Variants in DNAJC21 observed in about 807,000 individuals in gnomAD.
The protein encoded by DNAJC21 is dnaJ homolog subfamily C member 21.
In DNAJC21, 63 loss-of-function variants were observed where a neutral mutation model predicts 72.4. The ratio of observed to expected loss-of-function variants is 0.87; its 90% CI spans 0.71 to 1.07. DNAJC21 has a LOEUF of 1.07. Among genes scored for constraint, DNAJC21 ranks in the 50% least tolerant of loss-of-function variants. DNAJC21 has a pLI of 0.00. For missense variants in DNAJC21, 634 were observed against 644.8 expected (o/e 0.98, Z 0.18); for synonymous variants, 203 against 216.7 (o/e 0.94, Z 0.56).
In DNAJC21 at chr5:34,950,290, A is replaced by C. The variant is rs1414671290; in HGVS notation, c.1306A>C (p.Ser436Arg). 6.2e-7 allele frequency: 1 copy of C among 1,613,726 alleles called. No homozygotes were observed. The highest frequency in any genetic ancestry group is 1.3e-5 in the African/African-American group (1 of 74,922). ...ELEDSPQENVSVTEIIKPCDD... is the reference protein window; with the variant it reads ...ELEDSPQENVRVTEIIKPCDD... ...GGAAGATAGTCCCCAGGAAAATGTC[A>C]GTGTCACAGAGATCATTAAACCATG... The change falls in exon 10 of 12, where the codon AGT (serine) becomes CGT (arginine). Residue 436 changes from serine (S) to arginine (R), a missense_variant. Ser to Arg is a moderately radical substitution (Grantham distance 110). Coordinates refer to ENST00000648817, the MANE Select transcript of DNAJC21 (RefSeq NM_001012339.3).
chr5:34,951,029 CA>C (rs778552564), intron 10 of DNAJC21: 650 of 985,434 alleles, frequency 6.6e-4, no homozygotes, highest in Non-Finnish European at 7.5e-4. Flanking sequence ...AGTGAGAGAG[CA>C]AAGTGGGAGC....
intron 10 of DNAJC21, among the ~76,000 whole-genome samples, chr5:34,953,170 T>C (rs933692140): frequency 6.6e-6 from 1 of 152,076 alleles, no homozygotes; most frequent in Non-Finnish European, 1.5e-5. Flanking sequence ...TTAATGTTTT[T>C]GGGGAACCAC....
rs529159008 is a variant in DNAJC21, at chr5:34,949,372, G to A, written c.1186-798G>A. On this transcript the variant is annotated intron_variant, in intron 9 of 11. Coordinates refer to ENST00000648817, the MANE Select transcript of DNAJC21 (RefSeq NM_001012339.3). ...TGCTCTAGAATAAAGGAGATTAAAGGTACCTGACAACTAAATGCAACATGT... is the reference window on the plus strand; with the variant it reads ...TGCTCTAGAATAAAGGAGATTAAAGATACCTGACAACTAAATGCAACATGT... 1.5e-3 allele frequency among the ~76,000 whole-genome samples: 224 copies of A among 152,172 alleles called. 1 individual carries two copies. The highest frequency in any genetic ancestry group is 5.0e-3 in the African/African-American group (208 of 41,512).
At chr5:34,944,728 GAAAA>G in intron 7 of DNAJC21, 135 bp from the exon 8 acceptor site, 6 of 1,232,654 alleles carry the variant, frequency 4.9e-6, no homozygotes, top group Non-Finnish European at 6.9e-6. Context: ...TAAAAAAAAA[GAAAA>G]AAATAAATAG....
Position 34,958,623 on chromosome 5 carries a change from C to T in DNAJC21, c.*3909C>T, listed in dbSNP as rs1483832641. On this transcript the variant is annotated 3_prime_UTR_variant, in exon 12 of 12. Coordinates refer to ENST00000648817, the MANE Select transcript of DNAJC21 (RefSeq NM_001012339.3). ...CAAGCTACAGACAAGGAAATGTTTG[C>T]AATGCATGGAACTGTCAAAGGATTC... 1 of 152,072 alleles carries T rather than the reference C, an allele frequency of 6.6e-6. No individual in the cohort carries two copies. Among genetic ancestry groups the T allele is most frequent in the Non-Finnish European group, 1.5e-5 (1 of 68,016 alleles). The allele number at this position is 152,072 out of a possible 1,614,324, so 9.4% of individuals were successfully genotyped here.
At chr5:34,948,599 G>C in intron 9 of DNAJC21, among the ~76,000 whole-genome samples, 1 of 152,214 alleles carries the variant, frequency 6.6e-6, no homozygotes, top group East Asian at 1.9e-4. Flanking sequence ...AGGTGCGGTG[G>C]CTCACGCCTG....
Position 34,957,163 on chromosome 5 carries a change from C to T in DNAJC21, c.*2449C>T, listed in dbSNP as rs1765561396. On this transcript the variant is annotated 3_prime_UTR_variant, in exon 12 of 12. Transcript: ENST00000648817. The stretch of plus-strand genomic sequence containing the variant: ...TAAAATATTTTTGGTGAATTGCAGA[C>T]ATTTAATTTCACTTGTCTGAGGTAA... 1 of 152,124 alleles carries T rather than the reference C, an allele frequency of 6.6e-6. No homozygotes were observed. The highest frequency in any genetic ancestry group is 2.1e-4 in the South Asian group (1 of 4,832). The allele number at this position is 152,124 out of a possible 1,614,324, so 9.4% of individuals were successfully genotyped here.
intron 9 of DNAJC21, among the ~76,000 whole-genome samples, chr5:34,948,805 C>T (rs1424578532): frequency 6.6e-6 from 1 of 151,738 alleles, no homozygotes; most frequent in East Asian, 1.9e-4. Flanking sequence ...GCTGAGGTTG[C>T]AGTGAGCTGA....
chr5:34,942,339 G>A (rs1281510009), intron 7 of DNAJC21, among the ~76,000 whole-genome samples: 1 of 152,002 alleles, frequency 6.6e-6, no homozygotes, highest in Non-Finnish European at 1.5e-5. Flanking sequence ...AAGGAGGGAG[G>A]AAACAACACG....
rs540744057 is a variant in DNAJC21 at position 34,945,967 on chromosome 5, G to T, written c.1185+164G>T. Among the ~76,000 whole-genome samples, 13 of 152,112 alleles carry T rather than the reference G, an allele frequency of 8.5e-5. No homozygotes were observed. In the South Asian group the frequency reaches 1.2e-3, roughly 15 times the overall value. On this transcript the variant is annotated intron_variant, in intron 9 of 11. Transcript: ENST00000648817. ...ATTAGAAATATTTTCCTTTTTTAGT[G>T]CTTCCCCCCCCTTGTATGTATGTAA... is the stretch of plus-strand genomic sequence containing the variant.
rs1481607154 is a variant in DNAJC21, at chr5:34,956,123, A to G, written c.*1409A>G. 1 of 152,444 alleles carries G rather than the reference A, an allele frequency of 6.6e-6. No individual in the cohort carries two copies. The highest frequency in any genetic ancestry group is 2.4e-5 in the African/African-American group (1 of 41,386). The allele number at this position is 152,444 out of a possible 1,614,324, so 9.4% of individuals were successfully genotyped here. On this transcript the variant is annotated 3_prime_UTR_variant, in exon 12 of 12. Coordinates refer to ENST00000648817, the MANE Select transcript of DNAJC21 (RefSeq NM_001012339.3). ...GCTTGAAATGTGTGCTTTCTGTACA[A>G]TGAAGTTATTGCTTTCCATATATCC...
At position 34,935,740 on chromosome 5, in the gene DNAJC21, A is replaced by G. The variant is rs148637112; in HGVS notation, c.222A>G (p.Lys74=). 5.6e-5 allele frequency: 91 copies of G among 1,614,010 alleles called. 1 individual carries two copies. The African/African-American group carries it at 1.0e-3, about 18-fold the overall frequency. ...ATAATCATAGAGAGGCCCTACTTAA[A>G]GGTGGGTTTGATGGCGAATATCAAG... ...WYDNHREALL[K]GGFDGEYQDD... is the part of the protein sequence containing the mutation. Residue 74 remains lysine, a synonymous_variant, in exon 3 of 12, where the codon AAA becomes AAG. Transcript: ENST00000648817.
At chr5:34,931,585 A>C (rs1764595531) in intron 1 of DNAJC21, among the ~76,000 whole-genome samples, 2 of 152,226 alleles carry the variant, frequency 1.3e-5, no homozygotes, top group Admixed American at 6.5e-5. Context: ...TTGAAATCAG[A>C]TTGTATTTCT....
In DNAJC21 at chr5:34,936,190, A is replaced by G. The variant is rs775957708; in HGVS notation, c.362A>G (p.Glu121Gly). Residue 121 changes from glutamate to glycine, a missense_variant, in exon 4 of 12, where the codon GAA becomes GGA. Glu to Gly is a moderately conservative substitution (Grantham distance 98). Coordinates refer to ENST00000648817, the MANE Select transcript of DNAJC21 (RefSeq NM_001012339.3). ...YRNVFEMIAK[E>G]ELESVLEEEV... is the part of the protein sequence containing the mutation. ...AATGTTTTTGAAATGATTGCCAAGGAAGAACTAGAATCTGTGTTAGAGGAA... is the reference window on the plus strand; with the variant it reads ...AATGTTTTTGAAATGATTGCCAAGGGAGAACTAGAATCTGTGTTAGAGGAA... 1.9e-6 allele frequency: 3 copies of G among 1,614,090 alleles called. No individual in the cohort carries two copies. In the Admixed American group the frequency reaches 5.0e-5, roughly 27 times the overall value.
intron 10 of DNAJC21, 125 bp downstream of exon 10, chr5:34,950,467 A>G: frequency 2.1e-6 from 3 of 1,429,510 alleles, no homozygotes; most frequent in Non-Finnish European, 2.7e-6. Context: ...ATCTGTACAT[A>G]TTTATGTATA....
At chr5:34,948,599 G>A (rs35223036) in intron 9 of DNAJC21, among the ~76,000 whole-genome samples, 1 of 152,214 alleles carries the variant, frequency 6.6e-6, no homozygotes, top group South Asian at 2.1e-4. Flanking sequence ...AGGTGCGGTG[G>A]CTCACGCCTG....
intron 8 of DNAJC21, 161 bp from the exon 9 acceptor site, chr5:34,945,600 T>G (rs1425687321): frequency 1.7e-6 from 1 of 591,644 alleles, no homozygotes; most frequent in Non-Finnish European, 2.8e-6. Flanking sequence ...AAAATGACAA[T>G]GTGAATACTT....
At chr5:34,949,611 G>A (rs372494837) in intron 9 of DNAJC21, 1 of 1,598,460 alleles carries the variant, frequency 6.3e-7, no homozygotes, top group Non-Finnish European at 8.5e-7. Context: ...AAAAGTGTGT[G>A]TTGGGAGAGA....
chr5:34,946,865 A>G (rs1476197017), intron 9 of DNAJC21, among the ~76,000 whole-genome samples: 1 of 152,200 alleles, frequency 6.6e-6, no homozygotes. Flanking sequence ...AACCATAAAC[A>G]CATACGTTAG....
Sources: gnomAD v4.1 joint callset for allele counts (sites outside exome capture counted in the v4.1 genomes callset) on GRCh38, gnomAD v4.1.1 for gene constraint, MANE v1.5 for transcripts, NCBI Gene and HGNC (gene_info 2026-07-23, HGNC 2026-07-21) for gene names.